GLIS1: variants seen among roughly 807,000 people sequenced by gnomAD.
GLIS1 encodes GLIS family zinc finger 1.
GLIS1 carries 24 observed loss-of-function variants against 63.8 expected under a neutral mutation model. That is an observed-to-expected ratio of 0.38 (90% CI 0.27 to 0.53). GLIS1 has a LOEUF of 0.53. GLIS1 is among the 20% of genes least tolerant of loss of function. The probability of loss-of-function intolerance (pLI) is 0.85; values close to 1 mark genes in which losing one functional copy is unlikely to be tolerated. For missense variants in GLIS1, 1,036 were observed against 1,074.1 expected (o/e 0.96, Z 0.50); for synonymous variants, 450 against 482.5 (o/e 0.93, Z 0.88).
At chr1:53,707,106 G>A (rs890779929) in intron 2 of GLIS1, among the ~76,000 whole-genome samples, 57 of 152,104 alleles carry the variant, frequency 3.7e-4, no homozygotes, top group African/African-American at 1.4e-3. Flanking sequence ...TAGGATAAAA[G>A]CCCTCCCTCA....
rs1182478604 is a variant in GLIS1 at position 53,560,542 on chromosome 1, G to C, written c.1321-30590C>G. Among the ~76,000 whole-genome samples, 2 of 152,234 alleles carry C rather than the reference G, an allele frequency of 1.3e-5. No homozygotes were observed. The highest frequency in any genetic ancestry group is 1.5e-5 in the Non-Finnish European group (1 of 68,040). On this transcript the variant is annotated intron_variant, in intron 4 of 10. Transcript: ENST00000628545. This position sits in a 1 kb window ranked among gnomAD's most constrained non-coding sequence, Gnocchi z 4.4. ...CTTCGTACCTTCCAGGGAGAGTGGA[G>C]GCTGTGGTCGGGAGGGCAGAGCGGG... is the stretch of plus-strand genomic sequence containing the variant.
intron 2 of GLIS1, among the ~76,000 whole-genome samples, chr1:53,613,098 C>T (rs370854699): frequency 6.9e-4 from 105 of 152,260 alleles, no homozygotes; most frequent in African/African-American, 1.3e-3. Context: ...GGATTACAGG[C>T]GTGAGCCCAG....
chr1:53,685,357 G>A (rs955800790), intron 2 of GLIS1, among the ~76,000 whole-genome samples: 2 of 152,208 alleles, frequency 1.3e-5, no homozygotes, highest in African/African-American at 2.4e-5. Context: ...TCCCCAGAGC[G>A]CCGTGGTGTC....
intron 2 of GLIS1, among the ~76,000 whole-genome samples, chr1:53,667,400 C>T (rs899499849): frequency 6.6e-6 from 1 of 152,196 alleles, no homozygotes; most frequent in Non-Finnish European, 1.5e-5. Flanking sequence ...TATGAAGAAA[C>T]GGAGGCCTGC....
At chr1:53,528,749 T>C (rs990959846) in intron 5 of GLIS1, among the ~76,000 whole-genome samples, 25 of 152,102 alleles carry the variant, frequency 1.6e-4, no homozygotes, top group African/African-American at 5.8e-4. Flanking sequence ...CCTGGGCCCC[T>C]GTTTCCTCCT....
chr1:53,561,494 G>A (rs942796530), intron 4 of GLIS1, among the ~76,000 whole-genome samples: 2 of 152,206 alleles, frequency 1.3e-5, no homozygotes, highest in Non-Finnish European at 2.9e-5. Context: ...TGGCGGACCA[G>A]GGCCTTAAAT....
intron 2 of GLIS1, among the ~76,000 whole-genome samples, chr1:53,633,431 G>A (rs1030143636): frequency 7.3e-5 from 11 of 150,856 alleles, no homozygotes; most frequent in African/African-American, 2.4e-4. Context: ...TGTGACTGAG[G>A]GGTGTGAATG....
chr1:53,737,983 C>A lies in GLIS1; in HGVS notation c.82G>T (p.Ala28Ser). The change falls in exon 2 of 11, where the codon GCC becomes TCC. Residue 28 changes from alanine (A) to serine (S), a missense_variant. By Grantham distance (99) the Ala-to-Ser change is moderately conservative (BLOSUM62 1). Around this residue, in one of 3 missense-constraint regions of GLIS1, gnomAD observed 592 missense variants for 593.9 expected, o/e 1.00. Transcript: ENST00000628545. ...PGAPGPDRGP[A>S]SLGAHMAFRV... is the part of the protein sequence containing the mutation. ...AAGGCCATGTGCGCGCCGAGGCTGGCGGGGCCGCGGTCGGGGCCGGGCGCA... is the reference window on the plus strand; with the variant it reads ...AAGGCCATGTGCGCGCCGAGGCTGGAGGGGCCGCGGTCGGGGCCGGGCGCA... 8.1e-7 allele frequency: 1 copy of A among 1,230,348 alleles called. No homozygotes were observed. 76.2% of individuals were successfully genotyped at this position (1,230,348 alleles called of 1,614,324 possible). A position where few individuals can be genotyped will look rare whatever the true frequency, so the allele number is the denominator to read the frequency against.
intron 2 of GLIS1, among the ~76,000 whole-genome samples, chr1:53,727,165 G>A (rs560536894): frequency 3.3e-5 from 5 of 152,226 alleles, no homozygotes; most frequent in Non-Finnish European, 5.9e-5. Context: ...CCATGTGGCC[G>A]CCTTTGGATA....
At chr1:53,666,331 G>C (rs949081942) in intron 2 of GLIS1, among the ~76,000 whole-genome samples, 1 of 152,210 alleles carries the variant, frequency 6.6e-6, no homozygotes, top group African/African-American at 2.4e-5. Context: ...GGCTCAGCTA[G>C]TAGGAGGTGA....
chr1:53,545,104 C>T (rs1371429939), intron 4 of GLIS1, among the ~76,000 whole-genome samples: 1 of 152,230 alleles, frequency 6.6e-6, no homozygotes, highest in Non-Finnish European at 1.5e-5. Flanking sequence ...GACCTGGATT[C>T]AAATCCTGAT....
At chr1:53,562,272 T>C (rs550832221) in intron 4 of GLIS1, among the ~76,000 whole-genome samples, 3 of 152,068 alleles carry the variant, frequency 2.0e-5, no homozygotes, top group Non-Finnish European at 2.9e-5. Context: ...TGCACGATCA[T>C]GGAGAAAGGT....
chr1:53,606,573 C>A (rs970229316), intron 2 of GLIS1, among the ~76,000 whole-genome samples: 1 of 152,190 alleles, frequency 6.6e-6, no homozygotes, highest in Non-Finnish European at 1.5e-5. Context: ...TCTGGGCTGC[C>A]TCGTCACTCC....
Position 53,594,133 on chromosome 1 carries a change from G to A in GLIS1, c.1295C>T (p.Ser432Leu), listed in dbSNP as rs780480693. 5.0e-6 allele frequency: 8 copies of A among 1,611,754 alleles called. No individual in the cohort carries two copies. The highest frequency in any genetic ancestry group is 2.2e-5 in the East Asian group (1 of 44,784). ...YKLLIHMRVH[S>L]GEKPNKCMFE... Reference sequence around the variant, plus strand: ...CATGCACTTGTTGGGCTTCTCGCCCGAGTGCACTCGCATGTGGATGAGCAG... The same window carrying A: ...CATGCACTTGTTGGGCTTCTCGCCCAAGTGCACTCGCATGTGGATGAGCAG... Residue 432 changes from serine to leucine, a missense_variant, in exon 4 of 11, where the codon TCG (serine) becomes TTG (leucine). Around this residue, in one of 3 missense-constraint regions of GLIS1, gnomAD observed 592 missense variants for 593.9 expected, o/e 1.00. Coordinates refer to ENST00000628545, the MANE Select transcript of GLIS1 (RefSeq NM_001367484.1).
chr1:53,696,747 T>C (rs1395537658), intron 2 of GLIS1, among the ~76,000 whole-genome samples: 1 of 152,214 alleles, frequency 6.6e-6, no homozygotes, highest in Non-Finnish European at 1.5e-5. Flanking sequence ...ACTTTGCCCA[T>C]GCCGCCTGGA....
intron 2 of GLIS1, among the ~76,000 whole-genome samples, chr1:53,622,365 T>C (rs1250513025): frequency 2.8e-5 from 4 of 145,012 alleles, no homozygotes; most frequent in African/African-American, 1.0e-4. Context: ...GAGGCGAAGG[T>C]TGCAGTGAGC....
chr1:53,600,887 C>T (rs1162067856), intron 2 of GLIS1, among the ~76,000 whole-genome samples: 3 of 152,238 alleles, frequency 2.0e-5, no homozygotes, highest in Non-Finnish European at 4.4e-5. Context: ...CCACAGCCTG[C>T]CTCATGCCCT....
chr1:53,731,666 C>T (rs1428523559), intron 2 of GLIS1, among the ~76,000 whole-genome samples: 2 of 152,186 alleles, frequency 1.3e-5, no homozygotes, highest in South Asian at 2.1e-4. Context: ...AGAACAGTGC[C>T]TCCTTTCTTC....
chr1:53,561,140 C>G (rs1644888427), intron 4 of GLIS1, among the ~76,000 whole-genome samples: 1 of 152,206 alleles, frequency 6.6e-6, no homozygotes, highest in African/African-American at 2.4e-5. Context: ...AGTCCCATTC[C>G]ACCCCACTGG....
Sources: allele counts gnomAD v4.1 joint callset (sites outside exome capture counted in the v4.1 genomes callset), GRCh38; gene constraint gnomAD v4.1.1; regional missense constraint gnomAD v4.1.1; non-coding constraint Gnocchi (gnomAD v3.1); transcripts MANE v1.5; gene names NCBI Gene and HGNC (gene_info 2026-07-23, HGNC 2026-07-21).